Variants in FRMD4B observed in about 807,000 individuals in gnomAD.
FRMD4B encodes FERM domain-containing protein 4B.
In FRMD4B, 74 loss-of-function variants were observed where a neutral mutation model predicts 141.5. That is an observed-to-expected ratio of 0.52 (90% confidence interval 0.43 to 0.63). The LOEUF is 0.63. Ranked by LOEUF, FRMD4B falls within the 30% of genes least tolerant of loss-of-function variation. The pLI is 0.00. For missense variants in FRMD4B, 1,366 were observed against 1,253.4 expected (o/e 1.09, Z -1.36); for synonymous variants, 506 against 467.9 (o/e 1.08, Z -1.05).
At chr3:69,461,934 G>A (rs1301901760) in intron 1 of FRMD4B, among the ~76,000 whole-genome samples, 3 of 152,136 alleles carry the variant, frequency 2.0e-5, no homozygotes, top group Admixed American at 6.6e-5. Flanking sequence ...CAAAATGATT[G>A]CTCCATTTAT....
chr3:69,329,220 A>G (rs1193456306), intron 1 of FRMD4B, among the ~76,000 whole-genome samples: 1 of 152,196 alleles, frequency 6.6e-6, no homozygotes, highest in Non-Finnish European at 1.5e-5. Context: ...AGCCCAGCTT[A>G]CTTAACTTTA....
chr3:69,510,799 T>C (rs1352446910), intron 1 of FRMD4B, among the ~76,000 whole-genome samples: 3 of 152,190 alleles, frequency 2.0e-5, no homozygotes, highest in African/African-American at 7.2e-5. Context: ...ACAAGCATTC[T>C]CATGCAGTTC....
At chr3:69,243,895 C>CA (rs2093406208) in intron 7 of FRMD4B, among the ~76,000 whole-genome samples, 1 of 152,026 alleles carries the variant, frequency 6.6e-6, no homozygotes, top group Non-Finnish European at 1.5e-5. Flanking sequence ...AAAACACAAA[C>CA]AATAGCTGGG....
chr3:69,265,182 G>T (rs571422846), intron 5 of FRMD4B, among the ~76,000 whole-genome samples: 1 of 139,638 alleles, frequency 7.2e-6, no homozygotes, highest in Non-Finnish European at 1.5e-5. Context: ...TTGAACCCAG[G>T]AGGTGGAGCT....
At chr3:69,199,602 G>C (rs1223317445) in intron 11 of FRMD4B, among the ~76,000 whole-genome samples, 1 of 152,184 alleles carries the variant, frequency 6.6e-6, no homozygotes, top group South Asian at 2.1e-4. Context: ...CCTAGCACCA[G>C]TAATTGGGGG....
chr3:69,502,782 T>A (rs1282905590), intron 1 of FRMD4B, among the ~76,000 whole-genome samples: 1 of 150,940 alleles, frequency 6.6e-6, no homozygotes, highest in African/African-American at 2.4e-5. Context: ...CACAACCTAC[T>A]CATCTGACAA....
At chr3:69,264,934 T>A (rs2093551059) in intron 5 of FRMD4B, among the ~76,000 whole-genome samples, 1 of 152,100 alleles carries the variant, frequency 6.6e-6, no homozygotes, top group Non-Finnish European at 1.5e-5. Flanking sequence ...TGTGAATTAA[T>A]GCTCAGCCGT....
At chr3:69,266,984 C>T (rs745582742) in intron 5 of FRMD4B, among the ~76,000 whole-genome samples, 11 of 152,132 alleles carry the variant, frequency 7.2e-5, no homozygotes, top group Non-Finnish European at 1.6e-4. Flanking sequence ...ATAGAGTGTT[C>T]GTGCCATGAG....
At chr3:69,391,373 T>C (rs141993729) in intron 2 of FRMD4B, among the ~76,000 whole-genome samples, 290 of 151,624 alleles carry the variant, frequency 1.9e-3, no homozygotes, top group African/African-American at 6.7e-3. Context: ...ACATTAGGTA[T>C]ATCTCCTAAT....
chr3:69,474,396 G>T (rs1705948164), intron 1 of FRMD4B, among the ~76,000 whole-genome samples: 1 of 152,130 alleles, frequency 6.6e-6, no homozygotes, highest in Admixed American at 6.6e-5. Flanking sequence ...GCTGAGTTAA[G>T]TTCCTGAGTA....
At chr3:69,519,898 C>T (rs896194607) in intron 1 of FRMD4B, among the ~76,000 whole-genome samples, 2 of 151,006 alleles carry the variant, frequency 1.3e-5, no homozygotes, top group African/African-American at 4.9e-5. Context: ...GTTTGGTTTT[C>T]CATTCCTGAG....
intron 1 of FRMD4B, among the ~76,000 whole-genome samples, chr3:69,505,776 C>A (rs1264393953): frequency 6.6e-6 from 1 of 152,160 alleles, no homozygotes; most frequent in African/African-American, 2.4e-5. Context: ...GGATTTTAAT[C>A]CAACATAGCT....
chr3:69,493,907 AATG>A (rs1049152997), intron 1 of FRMD4B, among the ~76,000 whole-genome samples: 1 of 152,186 alleles, frequency 6.6e-6, no homozygotes, highest in Non-Finnish European at 1.5e-5. Flanking sequence ...GTACAATAGT[AATG>A]ATAAGTACTG....
intron 1 of FRMD4B, 61 bp from the exon 2 acceptor site, chr3:69,313,578 C>A: frequency 1.0e-6 from 1 of 973,718 alleles, no homozygotes; most frequent in Admixed American, 2.1e-5. Context: ...AACCTTTGGA[C>A]TCGTTGTATC....
intron 2 of FRMD4B, among the ~76,000 whole-genome samples, chr3:69,410,014 G>C (rs193046176): frequency 6.6e-6 from 1 of 152,250 alleles, no homozygotes; most frequent in Admixed American, 6.5e-5. Flanking sequence ...AGGATCCTCA[G>C]AACCCCCAGC....
At chr3:69,299,585 G>A (rs1355949271) in intron 4 of FRMD4B, among the ~76,000 whole-genome samples, 3 of 152,274 alleles carry the variant, frequency 2.0e-5, no homozygotes, top group South Asian at 4.1e-4. Context: ...GATATGCCCT[G>A]CCTCTCCTTC....
intron 2 of FRMD4B, among the ~76,000 whole-genome samples, chr3:69,405,260 G>C (rs541947191): frequency 2.0e-5 from 3 of 152,254 alleles, no homozygotes; most frequent in South Asian, 4.1e-4. Flanking sequence ...ATCACAAAAG[G>C]GTATAAAACC....
chr3:69,183,433 A>G (rs1382953235), intron 19 of FRMD4B, among the ~76,000 whole-genome samples: 1 of 145,664 alleles, frequency 6.9e-6, no homozygotes, highest in East Asian at 2.1e-4. Flanking sequence ...TTAAGTCACT[A>G]TGTCTACTTC....
At chr3:69,311,801 G>A (rs949752601) in intron 2 of FRMD4B, among the ~76,000 whole-genome samples, 6 of 151,718 alleles carry the variant, frequency 4.0e-5, no homozygotes, top group Non-Finnish European at 8.8e-5. Flanking sequence ...AAAGCTGTGG[G>A]GCTACTGATG....
Sources: gnomAD v4.1 joint callset for allele counts (sites outside exome capture counted in the v4.1 genomes callset) on GRCh38, gnomAD v4.1.1 for gene constraint, MANE v1.5 for transcripts, NCBI Gene and HGNC (gene_info 2026-07-23, HGNC 2026-07-21) for gene names.